The following LCA5L variants were observed in gnomAD, a reference collection of about 807,000 sequenced individuals.
The protein encoded by LCA5L is lebercilin-like protein.
A neutral mutation model predicts 45.4 loss-of-function variants in LCA5L; 35 were observed. The ratio of observed to expected loss-of-function variants is 0.77; its 90% CI spans 0.59 to 1.02. The LOEUF (loss-of-function observed/expected upper bound fraction) is 1.02. Among genes scored for constraint, LCA5L ranks in the 50% least tolerant of loss-of-function variants. LCA5L has a pLI of 0.00. For missense variants in LCA5L, 668 were observed against 761.6 expected (o/e 0.88, Z 1.45); for synonymous variants, 233 against 264.7 (o/e 0.88, Z 1.16).
At chr21:39,428,830 T>C (rs2075324271) in intron 4 of LCA5L, among the ~76,000 whole-genome samples, 1 of 151,042 alleles carries the variant, frequency 6.6e-6, no homozygotes, top group Non-Finnish European at 1.5e-5. Flanking sequence ...CCCAGGCTGG[T>C]CTTGAACTCC....
intron 7 of LCA5L, among the ~76,000 whole-genome samples, chr21:39,418,175 C>T (rs192529281): frequency 3.3e-5 from 5 of 152,284 alleles, no homozygotes; most frequent in African/African-American, 1.2e-4. Context: ...CACTGGGTCC[C>T]TCCCCTGACA....
At position 39,409,754 on chromosome 21, in the gene LCA5L, G is replaced by A. The variant is rs983938312; in HGVS notation, c.1282+225C>T. Among the ~76,000 whole-genome samples, 2 of 152,034 alleles carry A rather than the reference G, an allele frequency of 1.3e-5. No individual in the cohort carries two copies. Among genetic ancestry groups the A allele is most frequent in the Non-Finnish European group, 2.9e-5 (2 of 68,006 alleles). On this transcript the variant is annotated intron_variant, in intron 10 of 10. Coordinates refer to ENST00000288350, the MANE Select transcript of LCA5L (RefSeq NM_152505.4). The surrounding 1 kb of genome is among the most constrained non-coding windows in gnomAD (Gnocchi z 4.2). Reference sequence around the variant, plus strand: ...ATTACAGGCACATACCGCCATGTGCGGTTAAGTTTTGTATTTTTTAGTAGA... The same window carrying A: ...ATTACAGGCACATACCGCCATGTGCAGTTAAGTTTTGTATTTTTTAGTAGA...
intron 2 of LCA5L, among the ~76,000 whole-genome samples, chr21:39,439,397 G>A (rs1289269740): frequency 6.6e-6 from 1 of 152,198 alleles, no homozygotes; most frequent in Non-Finnish European, 1.5e-5. Context: ...AAGCCACTGA[G>A]TTTGTGGTAA....
chr21:39,406,734 A>G (rs560354268), intron 10 of LCA5L, 122 bp from the exon 11 acceptor site: 1 of 721,658 alleles, frequency 1.4e-6, no homozygotes, highest in South Asian at 2.0e-5. Flanking sequence ...CAGAAAAGGT[A>G]AGAAAATAGA....
At chr21:39,444,548 G>C (rs1417418441) in intron 1 of LCA5L, 1 of 152,116 alleles carries the variant, frequency 6.6e-6, no homozygotes, top group Non-Finnish European at 1.5e-5. Context: ...CGAAATAACA[G>C]AGAACGGGGA....
intron 2 of LCA5L, among the ~76,000 whole-genome samples, chr21:39,438,315 T>C (rs750580439): frequency 2.6e-5 from 4 of 152,210 alleles, no homozygotes; most frequent in African/African-American, 4.8e-5. Context: ...CAGATTCTTA[T>C]TGCATTTCTT....
At chr21:39,443,386 A>G (rs2077063574) in intron 2 of LCA5L, 1 of 152,300 alleles carries the variant, frequency 6.6e-6, no homozygotes, top group Admixed American at 6.5e-5. Context: ...AGGAGAGGGA[A>G]TGTATACCTG....
At chr21:39,416,837 C>G (rs932639947) in intron 7 of LCA5L, among the ~76,000 whole-genome samples, 4 of 152,142 alleles carry the variant, frequency 2.6e-5, no homozygotes, top group Non-Finnish European at 5.9e-5. Context: ...TGTGTCCTTA[C>G]AGTGTATCTC....
chr21:39,418,289 AC>A (rs1460807239), intron 7 of LCA5L, among the ~76,000 whole-genome samples: 5 of 152,138 alleles, frequency 3.3e-5, no homozygotes, highest in Admixed American at 6.5e-5. Flanking sequence ...TTCTTCACTT[AC>A]CAGTGTATCC....
chr21:39,428,496 C>A lies in LCA5L; in HGVS notation c.-3G>T. ...TTTGTTAGATCAGCCAAAGACATAG[C>A]AAACAACCTAATAAAAGAAAAGTAA... On this transcript the variant is annotated 5_prime_UTR_variant, in exon 5 of 11. Transcript: ENST00000288350. 1 of 1,509,552 alleles carries A rather than the reference C, an allele frequency of 6.6e-7. No homozygotes were observed. Among genetic ancestry groups the A allele is most frequent in the Non-Finnish European group, 8.8e-7 (1 of 1,131,448 alleles). The allele number at this position is 1,509,552 out of a possible 1,614,324, so 93.5% of individuals were successfully genotyped here. A position where few individuals can be genotyped will look rare whatever the true frequency, so the allele number is the denominator to read the frequency against.
intron 7 of LCA5L, among the ~76,000 whole-genome samples, chr21:39,419,772 CT>C (rs996149951): frequency 7.0e-4 from 107 of 152,160 alleles, no homozygotes; most frequent in African/African-American, 2.5e-3. Flanking sequence ...AAGAATCAAG[CT>C]TAAGATTTAT....
In LCA5L at chr21:39,420,699, G is replaced by GA; in HGVS notation, c.975+6dup. The GA allele has an allele frequency of 6.2e-7, 1 of 1,606,166 alleles. No individual in the cohort carries two copies. The highest frequency in any genetic ancestry group is 1.7e-4 in the Middle Eastern group (1 of 5,986). On this transcript the variant is annotated splice_region_variant and intron_variant, in intron 7 of 10. Transcript: ENST00000288350. ...TTCATTCTTACATTTTGTTTTAAAA[G>GA]AAATACCTTAAGTTTTTGTTGAAGG...
chr21:39,437,127 C>T (rs1490496304), intron 2 of LCA5L, among the ~76,000 whole-genome samples: 1 of 152,182 alleles, frequency 6.6e-6, no homozygotes, highest in African/African-American at 2.4e-5. Flanking sequence ...TAATTCCTCT[C>T]TTCATATCCA....
chr21:39,406,036 T>G lies in LCA5L; in HGVS notation c.1859A>C (p.Lys620Thr). ...ACTTTGCAAAGGCTCCTCTGAGCCT[T>G]TTGCAACACCAGGACTTGATTGGTC... Reference protein sequence around the residue: ...KTDQSSPGVAKGSEEPLQSKE... With the variant: ...KTDQSSPGVATGSEEPLQSKE... The change falls in exon 11 of 11, where the codon AAA (lysine) becomes ACA (threonine). Residue 620 changes from lysine (K) to threonine (T), a missense_variant. Lys to Thr is a moderately conservative substitution (Grantham distance 78). Coordinates refer to ENST00000288350, the MANE Select transcript of LCA5L (RefSeq NM_152505.4). 1 of 1,614,132 alleles carries G rather than the reference T, an allele frequency of 6.2e-7. No homozygotes were observed. The highest frequency in any genetic ancestry group is 8.5e-7 in the Non-Finnish European group (1 of 1,180,014).
At chr21:39,445,327 A>G (rs76380330) in intron 1 of LCA5L, 74 of 152,472 alleles carry the variant, frequency 4.9e-4, no homozygotes, top group African/African-American at 1.8e-3. Context: ...AGCAGAGGCA[A>G]AATCGGAGGT....
chr21:39,419,089 CAAT>C (rs1374352092), intron 7 of LCA5L, among the ~76,000 whole-genome samples: 2 of 152,108 alleles, frequency 1.3e-5, no homozygotes, highest in Non-Finnish European at 2.9e-5. Flanking sequence ...TCCCAGTTCT[CAAT>C]GATACCAACA....
intron 6 of LCA5L, chr21:39,422,233 G>C (rs2073895237): frequency 6.6e-6 from 1 of 152,180 alleles, no homozygotes; most frequent in Non-Finnish European, 1.5e-5. Flanking sequence ...AAATATTACA[G>C]AATTAAATCC....
At chr21:39,411,900 A>G (rs2040146716) in intron 7 of LCA5L, 98 bp from the exon 8 acceptor site, 1 of 647,660 alleles carries the variant, frequency 1.5e-6, no homozygotes, top group Non-Finnish European at 2.7e-6. Context: ...TATCCTATGA[A>G]TAAAATCTGT....
intron 7 of LCA5L, 112 bp downstream of exon 7, chr21:39,420,594 C>G: frequency 1.2e-6 from 1 of 805,212 alleles, no homozygotes; most frequent in Non-Finnish European, 1.9e-6. Flanking sequence ...GGTAGAGGAG[C>G]CTTATATATG....
Sources: allele counts gnomAD v4.1 joint callset (sites outside exome capture counted in the v4.1 genomes callset), GRCh38; gene constraint gnomAD v4.1.1; non-coding constraint Gnocchi (gnomAD v3.1); transcripts MANE v1.5; gene names NCBI Gene and HGNC (gene_info 2026-07-23, HGNC 2026-07-21).